PSPC1: variants seen among roughly 807,000 people sequenced by gnomAD.
PSPC1 encodes paraspeckle component 1.
PSPC1 carries 14 observed loss-of-function variants against 51.6 expected under a neutral mutation model. The ratio of observed to expected loss-of-function variants is 0.27; its 90% CI spans 0.18 to 0.42. PSPC1 has a LOEUF of 0.42. Ranked by LOEUF, PSPC1 falls within the 10% of genes least tolerant of loss-of-function variation. The pLI is 1.00. For missense variants in PSPC1, 406 were observed against 701.1 expected (o/e 0.58, Z 4.75); for synonymous variants, 193 against 231.9 (o/e 0.83, Z 1.53).
At chr13:19,775,490 A>G (rs1440956745) in intron 1 of PSPC1, among the ~76,000 whole-genome samples, 2 of 152,248 alleles carry the variant, frequency 1.3e-5, no homozygotes, top group Non-Finnish European at 2.9e-5. Context: ...CATGGGTAAC[A>G]TGGAAAAACA....
chr13:19,716,127 AT>A (rs1213130782), intron 6 of PSPC1, among the ~76,000 whole-genome samples: 1 of 152,270 alleles, frequency 6.6e-6, no homozygotes, highest in African/African-American at 2.4e-5. Context: ...TCTGGGTCCC[AT>A]CCCCAAGATA....
chr13:19,686,976 C>T (rs796541313), intron 6 of PSPC1, among the ~76,000 whole-genome samples: 14 of 152,182 alleles, frequency 9.2e-5, no homozygotes, highest in African/African-American at 3.4e-4. Context: ...GTGGGCGGAT[C>T]ATCTGAGGTC....
At position 19,710,635 on chromosome 13, in the gene PSPC1, C is replaced by T. The variant is rs541308254; in HGVS notation, c.1159-1036G>A. ...TATAAAGCTGGAAATAAAATAAAAG[C>T]CTATGATGGAAACGTAATTGCCATT... is the stretch of plus-strand genomic sequence containing the variant. On this transcript the variant is annotated intron_variant, in intron 6 of 8. Coordinates refer to ENST00000338910, the MANE Select transcript of PSPC1 (RefSeq NM_001354909.2). Among the ~76,000 whole-genome samples, 5 of 152,128 alleles carry T rather than the reference C, an allele frequency of 3.3e-5. No homozygotes were observed. In the South Asian group the frequency reaches 1.0e-3, roughly 32 times the overall value.
intron 6 of PSPC1, among the ~76,000 whole-genome samples, chr13:19,714,812 T>G (rs1000113272): frequency 6.6e-6 from 1 of 152,124 alleles, no homozygotes; most frequent in Non-Finnish European, 1.5e-5. Context: ...TTAATTTCGA[T>G]GTAAGAGTAC....
chr13:19,775,733 G>A (rs893175162), intron 1 of PSPC1, among the ~76,000 whole-genome samples: 3 of 152,154 alleles, frequency 2.0e-5, no homozygotes, highest in Non-Finnish European at 2.9e-5. Flanking sequence ...ACTCTTAAGA[G>A]GTAGACTTTA....
intron 6 of PSPC1, chr13:19,678,893 A>T (rs1458012245): frequency 6.6e-6 from 1 of 152,128 alleles, no homozygotes; most frequent in Non-Finnish European, 1.5e-5. Context: ...GGTAGCTGAG[A>T]CTACAGGTGC....
At chr13:19,717,834 C>G (rs1271496805) in intron 6 of PSPC1, among the ~76,000 whole-genome samples, 1 of 151,232 alleles carries the variant, frequency 6.6e-6, no homozygotes, top group African/African-American at 2.4e-5. Context: ...TGAGATCGTG[C>G]CACTGCACTC....
chr13:19,677,046 A>G (rs1045173485), intron 7 of PSPC1, among the ~76,000 whole-genome samples: 3 of 152,092 alleles, frequency 2.0e-5, no homozygotes, highest in Admixed American at 1.3e-4. Context: ...CATCCTGGCT[A>G]ACACAGTGAA....
intron 2 of PSPC1, among the ~76,000 whole-genome samples, chr13:19,769,299 T>C (rs1440419493): frequency 6.6e-6 from 1 of 151,832 alleles, no homozygotes; most frequent in East Asian, 1.9e-4. Flanking sequence ...CTCACGCCTG[T>C]AATCCCAGCA....
chr13:19,731,212 G>C (rs1002204966), intron 5 of PSPC1, among the ~76,000 whole-genome samples: 1 of 152,000 alleles, frequency 6.6e-6, no homozygotes, highest in East Asian at 1.9e-4. Flanking sequence ...ACGTGTTATA[G>C]CATAAACATT....
chr13:19,679,298 G>C (rs1270240095), intron 6 of PSPC1, among the ~76,000 whole-genome samples: 6 of 152,060 alleles, frequency 3.9e-5, no homozygotes, highest in Non-Finnish European at 8.8e-5. Context: ...AGTTTGAGAA[G>C]AGCCTAGACA....
chr13:19,700,784 T>C (rs150517081), downstream of PSPC1, among the ~76,000 whole-genome samples: 1,153 of 152,196 alleles, frequency 7.6e-3, 13 homozygotes, highest in Non-Finnish European at 8.8e-3. Context: ...AAAAAAAAGA[T>C]AGCATATATG....
At chr13:19,705,917 C>T (rs1880595522) in intron 7 of PSPC1, 86 bp from the exon 8 acceptor site, 3 of 1,174,080 alleles carry the variant, frequency 2.6e-6, no homozygotes, top group East Asian at 2.5e-5. Flanking sequence ...AATCTATATA[C>T]CAAGACCATT....
chr13:19,714,844 C>G (rs1290815750), intron 6 of PSPC1, among the ~76,000 whole-genome samples: 1 of 151,958 alleles, frequency 6.6e-6, no homozygotes, highest in South Asian at 2.1e-4. Flanking sequence ...ACAGTAGTAT[C>G]AAAAAAATCC....
intron 6 of PSPC1, chr13:19,678,704 T>C (rs921315281): frequency 3.9e-5 from 6 of 152,230 alleles, no homozygotes; most frequent in African/African-American, 1.2e-4. Flanking sequence ...GATACCCTAA[T>C]GCACCCCAGT....
rs117929468 is a variant in PSPC1 at position 19,734,828 on chromosome 13, A to G, written c.1053-4484T>C. ...AAAAAAAAATAATAAGAATATAAAA[A>G]TTAGCCGGGCGTGGTGGCGTGCACT... On this transcript the variant is annotated intron_variant, in intron 5 of 8. Transcript: ENST00000338910. 3.9e-3 allele frequency among the ~76,000 whole-genome samples: 586 copies of G among 151,466 alleles called. 4 individuals carry two copies. Among genetic ancestry groups the G allele is most frequent in the South Asian group, 8.3e-3 (40 of 4,800 alleles).
downstream of PSPC1, chr13:19,673,306 T>C (rs1235992887): frequency 1.5e-5 from 5 of 331,562 alleles, no homozygotes; most frequent in Admixed American, 1.6e-4. Context: ...CTCATTAGTT[T>C]ATAATTGTAT....
chr13:19,720,434 T>C (rs898800585), intron 6 of PSPC1, among the ~76,000 whole-genome samples: 4 of 152,210 alleles, frequency 2.6e-5, no homozygotes, highest in African/African-American at 9.6e-5. Flanking sequence ...ATGAGTTAAG[T>C]ACACATTTTA....
intron 2 of PSPC1, among the ~76,000 whole-genome samples, chr13:19,770,853 C>T (rs1040174417): frequency 6.6e-6 from 1 of 151,256 alleles, no homozygotes; most frequent in East Asian, 1.9e-4. Context: ...GAGTCAAGAT[C>T]GCCACTGCAC....
Sources: allele counts gnomAD v4.1 joint callset (sites outside exome capture counted in the v4.1 genomes callset), GRCh38; gene constraint gnomAD v4.1.1; transcripts MANE v1.5; gene names NCBI Gene and HGNC (gene_info 2026-07-23, HGNC 2026-07-21).